KCNAB1: variants seen among roughly 807,000 people sequenced by gnomAD.
The protein encoded by KCNAB1 is potassium voltage-gated channel subfamily A regulatory beta subunit 1, also known as voltage-gated potassium channel subunit beta-1.
A neutral mutation model predicts 64.6 loss-of-function variants in KCNAB1; 35 were observed. The observed-to-expected ratio is 0.54, with a 90% CI of 0.41 to 0.72. KCNAB1 has a LOEUF of 0.72. Ranked by LOEUF, KCNAB1 falls within the 30% of genes least tolerant of loss-of-function variation. The probability of loss-of-function intolerance (pLI) is 0.00; values close to 1 mark genes in which losing one functional copy is unlikely to be tolerated. For synonymous variants in KCNAB1, 177 were observed against 183.8 expected, an observed-to-expected ratio of 0.96 and a Z score of 0.30; for missense variants, 401 against 512.9, an observed-to-expected ratio of 0.78 and a Z score of 2.11.
intron 1 of KCNAB1, chr3:156,176,970 A>C: frequency 4.4e-6 from 3 of 675,512 alleles, no homozygotes; most frequent in Middle Eastern, 4.1e-4. Flanking sequence ...TTTTTGTGCC[A>C]CTTCCTCCGT....
chr3:156,205,781 C>T (rs1042788546), intron 1 of KCNAB1, among the ~76,000 whole-genome samples: 2 of 152,302 alleles, frequency 1.3e-5, no homozygotes, highest in African/African-American at 4.8e-5. Context: ...TGGATCTGGC[C>T]TTGTCAATAC....
At chr3:156,120,915 T>G in intron 1 of KCNAB1, 29 bp downstream of exon 1, 1 of 1,607,400 alleles carries the variant, frequency 6.2e-7, no homozygotes, top group Non-Finnish European at 8.5e-7. Flanking sequence ...GCGCGGGCTT[T>G]GGGAGACGCC....
At chr3:156,288,905 G>A (rs1576681419) in intron 1 of KCNAB1, among the ~76,000 whole-genome samples, 1 of 152,150 alleles carries the variant, frequency 6.6e-6, no homozygotes, top group South Asian at 2.1e-4. Context: ...CAAGAATATG[G>A]CATCTTCCCA....
chr3:156,435,804 G>C (rs188294762), intron 2 of KCNAB1, among the ~76,000 whole-genome samples: 3 of 152,222 alleles, frequency 2.0e-5, no homozygotes. Flanking sequence ...CCTTCACCCA[G>C]GTTCTGTTGT....
At chr3:156,245,525 CAT>C (rs1250255270) in intron 1 of KCNAB1, among the ~76,000 whole-genome samples, 1 of 149,522 alleles carries the variant, frequency 6.7e-6, no homozygotes, top group East Asian at 1.9e-4. Context: ...TATGTGTGCT[CAT>C]GTGTGTATTT....
intron 1 of KCNAB1, 55 bp from the exon 2 acceptor site, chr3:156,421,561 T>G: frequency 1.3e-6 from 2 of 1,559,038 alleles, no homozygotes; most frequent in Admixed American, 1.7e-5. Context: ...CACTTATGCA[T>G]GTACAGTTCC....
intron 1 of KCNAB1, chr3:156,143,569 G>GGTTTTT: frequency 1.0e-5 from 3 of 292,190 alleles, no homozygotes; most frequent in Non-Finnish European, 1.2e-5. Context: ...TTGCATTCTT[G>GGTTTTT]TTTTTTTTTT....
intron 2 of KCNAB1, among the ~76,000 whole-genome samples, chr3:156,434,317 TGAGTA>T (rs1716438583): frequency 6.6e-6 from 1 of 152,172 alleles, no homozygotes; most frequent in Non-Finnish European, 1.5e-5. Context: ...CTCAACGACT[TGAGTA>T]TTCTCACTTT....
chr3:156,318,711 A>G (rs1722461245), intron 1 of KCNAB1, among the ~76,000 whole-genome samples: 1 of 152,212 alleles, frequency 6.6e-6, no homozygotes. Flanking sequence ...TTAAATTTTA[A>G]TGTTGACAAA....
In KCNAB1 at chr3:156,278,444, A is replaced by G. The variant is rs527842566; in HGVS notation, c.276-143172A>G. On this transcript the variant is annotated intron_variant, in intron 1 of 13. Coordinates refer to ENST00000490337, the MANE Select transcript of KCNAB1 (RefSeq NM_172160.3). Reference sequence around the variant, plus strand: ...CAATTAGACTAGCTTCACGAAGTCTATTTTTTCCCCCTTTCCTTTGAAATG... The same window carrying G: ...CAATTAGACTAGCTTCACGAAGTCTGTTTTTTCCCCCTTTCCTTTGAAATG... 7.9e-5 allele frequency among the ~76,000 whole-genome samples: 12 copies of G among 152,208 alleles called. No individual in the cohort carries two copies. In the South Asian group the frequency reaches 2.3e-3, roughly 29 times the overall value.
intron 1 of KCNAB1, among the ~76,000 whole-genome samples, chr3:156,415,064 A>G (rs1714953599): frequency 6.6e-6 from 1 of 152,162 alleles, no homozygotes; most frequent in Admixed American, 6.5e-5. Context: ...TTCACATATA[A>G]TAGATTCAGG....
chr3:156,419,293 G>A (rs1413612022), intron 1 of KCNAB1, among the ~76,000 whole-genome samples: 2 of 152,072 alleles, frequency 1.3e-5, no homozygotes, highest in African/African-American at 2.4e-5. Context: ...ACGAGGTCAG[G>A]AGATCGAGAC....
intron 8 of KCNAB1, among the ~76,000 whole-genome samples, chr3:156,484,584 G>A (rs1715063276): frequency 6.6e-6 from 1 of 151,972 alleles, no homozygotes; most frequent in Non-Finnish European, 1.5e-5. Flanking sequence ...ATTCATTTCT[G>A]TAAGTTCCTC....
At chr3:156,151,740 A>G (rs1266347577) in intron 1 of KCNAB1, among the ~76,000 whole-genome samples, 1 of 152,198 alleles carries the variant, frequency 6.6e-6, no homozygotes, top group Non-Finnish European at 1.5e-5. Context: ...TCCCCAATAC[A>G]ATTAACAACT....
At chr3:156,450,698 T>C (rs1428599988) in intron 2 of KCNAB1, among the ~76,000 whole-genome samples, 1 of 152,228 alleles carries the variant, frequency 6.6e-6, no homozygotes, top group Non-Finnish European at 1.5e-5. Context: ...CTCACTTATT[T>C]TATTCTCATT....
At position 156,448,157 on chromosome 3, in the gene KCNAB1, A is replaced by G. The variant is rs922380779; in HGVS notation, c.320-4742A>G. On this transcript the variant is annotated intron_variant, in intron 2 of 13. Coordinates refer to ENST00000490337, the MANE Select transcript of KCNAB1 (RefSeq NM_172160.3). ...AAGGGGTTTAATCAGAAGACACAAA[A>G]TAGTTCAAAGAGTTATCTTTATACT... 1.9e-4 allele frequency among the ~76,000 whole-genome samples: 29 copies of G among 152,226 alleles called. 1 individual carries two copies. The highest frequency in any genetic ancestry group is 6.5e-4 in the African/African-American group (27 of 41,470).
chr3:156,158,122 G>A lies in KCNAB1; in HGVS notation c.275+37236G>A, dbSNP rs552710763. On this transcript the variant is annotated intron_variant, in intron 1 of 13. Coordinates refer to ENST00000490337, the MANE Select transcript of KCNAB1 (RefSeq NM_172160.3). ...GGAGCTTGCAGTGAGGAGAGATAGC[G>A]CCACTGCACTCCAGCCTGGGTGACA... Among the ~76,000 whole-genome samples, 10 of 145,426 alleles carry A rather than the reference G, an allele frequency of 6.9e-5. No individual in the cohort carries two copies. The East Asian group carries it at 2.1e-3, about 30-fold the overall frequency.
chr3:156,398,559 C>G (rs1336798758), intron 1 of KCNAB1, among the ~76,000 whole-genome samples: 4 of 147,206 alleles, frequency 2.7e-5, no homozygotes, highest in African/African-American at 1.0e-4. Flanking sequence ...CGCCACTGCA[C>G]TCCAACCTGG....
At chr3:156,366,431 T>C (rs914018005) in intron 1 of KCNAB1, among the ~76,000 whole-genome samples, 1 of 152,210 alleles carries the variant, frequency 6.6e-6, no homozygotes, top group Non-Finnish European at 1.5e-5. Context: ...AGAAGAGGAC[T>C]GGGCCATACT....
Sources: gnomAD v4.1 joint callset for allele counts (sites outside exome capture counted in the v4.1 genomes callset) on GRCh38, gnomAD v4.1.1 for gene constraint, MANE v1.5 for transcripts, NCBI Gene and HGNC (gene_info 2026-07-23, HGNC 2026-07-21) for gene names.